The following GLYATL2 variants were observed in gnomAD, a reference collection of about 807,000 sequenced individuals.
GLYATL2 encodes glycine N-acyltransferase-like protein 2.
In GLYATL2, 25 loss-of-function variants were observed where a neutral mutation model predicts 21.4. That is an observed-to-expected ratio of 1.17 (90% CI 0.85 to 1.63). GLYATL2 has a LOEUF of 1.63. GLYATL2 is among the 40% of genes most tolerant of loss of function. The pLI is 0.00. For missense variants in GLYATL2, 361 were observed against 343.3 expected, an observed-to-expected ratio of 1.05 and a Z score of -0.41; for synonymous variants, 114 against 118.2, an observed-to-expected ratio of 0.96 and a Z score of 0.23.
intron 1 of GLYATL2, among the ~76,000 whole-genome samples, chr11:58,903,716 C>G (rs987662643): frequency 6.6e-6 from 1 of 152,058 alleles, no homozygotes; most frequent in Admixed American, 6.6e-5. Context: ...CAGTTAATGG[C>G]CAACATTACC....
At position 58,834,381 on chromosome 11, in the gene GLYATL2, A is replaced by G; in HGVS notation, c.*48T>C. 3 of 1,441,532 alleles carry G rather than the reference A, an allele frequency of 2.1e-6. No homozygotes were observed. Among genetic ancestry groups the G allele is most frequent in the Non-Finnish European group, 2.8e-6 (3 of 1,064,978 alleles). 89.3% of individuals were successfully genotyped at this position (1,441,532 alleles called of 1,614,324 possible). A position where few individuals can be genotyped will look rare whatever the true frequency, so the allele number is the denominator to read the frequency against. ...AGATCACAATGCTTGTGTTTGAATT[A>G]ATGTTTTTTTACTGATAAGAAAGAT... On this transcript the variant is annotated 3_prime_UTR_variant, in exon 6 of 6. Transcript: ENST00000287275.
rs1312103019 is a variant in GLYATL2 at position 58,834,819 on chromosome 11, G to A, written c.495C>T (p.Asn165=). 6.3e-7 allele frequency: 1 copy of A among 1,589,486 alleles called. No individual in the cohort carries two copies. Among genetic ancestry groups the A allele is most frequent in the Non-Finnish European group, 8.5e-7 (1 of 1,170,232 alleles). ...DDDNKEGNFS[N]MFLDASHAGL... ...CTGCATGTGAAGCATCTAAGAACATGTTTGAAAAGTTTCCTTCCCTGTGAA... is the reference window on the plus strand; with the variant it reads ...CTGCATGTGAAGCATCTAAGAACATATTTGAAAAGTTTCCTTCCCTGTGAA... Residue 165 remains asparagine (N), a synonymous_variant, in exon 6 of 6, where the codon AAC becomes AAT. Transcript: ENST00000287275.
At chr11:58,869,068 G>GCAT (rs1210711530) in intron 1 of GLYATL2, among the ~76,000 whole-genome samples, 5,857 of 139,072 alleles carry the variant, frequency 0.042, 572 homozygotes, top group East Asian at 0.21. Context: ...AAATTCTGTA[G>GCAT]GAATTTTTAT....
upstream of GLYATL2, chr11:58,908,364 T>G (rs76883410): frequency 3.9e-5 from 6 of 153,060 alleles, no homozygotes; most frequent in Admixed American, 3.3e-4. Context: ...ATAGATCTTG[T>G]TTTTTTGTTT....
At chr11:58,889,692 C>G (rs1035299352) in intron 1 of GLYATL2, among the ~76,000 whole-genome samples, 2 of 152,014 alleles carry the variant, frequency 1.3e-5, no homozygotes, top group African/African-American at 4.8e-5. Context: ...CCGATCAAAG[C>G]CATTCTGGCC....
chr11:58,897,677 T>C (rs569821825), intron 1 of GLYATL2, among the ~76,000 whole-genome samples: 1 of 152,346 alleles, frequency 6.6e-6, no homozygotes, highest in African/African-American at 2.4e-5. Context: ...TCATGTGTTA[T>C]AGGGCCTTGG....
intron 1 of GLYATL2, among the ~76,000 whole-genome samples, chr11:58,870,548 C>G (rs905788179): frequency 6.6e-6 from 1 of 152,156 alleles, no homozygotes; most frequent in South Asian, 2.1e-4. Context: ...TAAAGACATT[C>G]TCCATCCAGA....
intron 1 of GLYATL2, among the ~76,000 whole-genome samples, chr11:58,873,453 A>C (rs2134604964): frequency 1.3e-5 from 2 of 152,220 alleles, no homozygotes; most frequent in Middle Eastern, 6.8e-3. Flanking sequence ...ATTTTGAGAT[A>C]CATTCTATCA....
rs561575043 is a variant in GLYATL2 at position 58,870,271 on chromosome 11, T to C, written n.61-31903A>G. Among the ~76,000 whole-genome samples the C allele has an allele frequency of 3.4e-3, 525 of 152,210 alleles. 4 individuals carry two copies. Among genetic ancestry groups the C allele is most frequent in the Middle Eastern group, 0.02 (6 of 294 alleles). ...GTAATAGAGTTTTCTATAGGTCTAA[T>C]GATAAAACAGAATGCATGCAGAAGA... is the stretch of plus-strand genomic sequence containing the variant. On this transcript the variant is annotated intron_variant and non_coding_transcript_variant, in intron 1 of 4. Coordinates refer to the GLYATL2 transcript ENST00000533636.
At chr11:58,835,130 A>T (rs1853405402) in intron 5 of GLYATL2, among the ~76,000 whole-genome samples, 1 of 152,196 alleles carries the variant, frequency 6.6e-6, no homozygotes, top group Non-Finnish European at 1.5e-5. Context: ...ACATGTCCCT[A>T]AAAGAGTGTG....
At chr11:58,843,004 T>A (rs1420026571) in intron 1 of GLYATL2, among the ~76,000 whole-genome samples, 1 of 152,234 alleles carries the variant, frequency 6.6e-6, no homozygotes, top group Non-Finnish European at 1.5e-5. Flanking sequence ...TTGGTGATGT[T>A]TTTGTGACCA....
chr11:58,856,592 T>C (rs1440077467), intron 1 of GLYATL2, among the ~76,000 whole-genome samples: 1 of 152,214 alleles, frequency 6.6e-6, no homozygotes, highest in Non-Finnish European at 1.5e-5. Flanking sequence ...CAGATCATTG[T>C]ATGGTTTATA....
At chr11:58,863,019 G>C (rs1388964791) in intron 1 of GLYATL2, among the ~76,000 whole-genome samples, 1 of 152,190 alleles carries the variant, frequency 6.6e-6, no homozygotes, top group Admixed American at 6.5e-5. Context: ...AGGTGAACTT[G>C]TTGCTGAAGT....
chr11:58,882,490 T>C (rs1158335845), intron 1 of GLYATL2, among the ~76,000 whole-genome samples: 1 of 152,228 alleles, frequency 6.6e-6, no homozygotes, highest in Non-Finnish European at 1.5e-5. Context: ...TAGCCCTCTG[T>C]CAGATGGGTA....
intron 1 of GLYATL2, among the ~76,000 whole-genome samples, chr11:58,842,476 CTG>C (rs34133004): frequency 0.36 from 48,750 of 134,376 alleles, 8,559 homozygotes; most frequent in Non-Finnish European, 0.43. Context: ...GAGTGAGACT[CTG>C]TGTGTGTGTG....
intron 1 of GLYATL2, among the ~76,000 whole-genome samples, chr11:58,862,256 T>C (rs919202267): frequency 9.2e-5 from 14 of 152,198 alleles, no homozygotes; most frequent in African/African-American, 3.4e-4. Flanking sequence ...CCTTTGATTT[T>C]TGATAGTTTA....
chr11:58,853,506 G>C (rs1853776535), intron 1 of GLYATL2, among the ~76,000 whole-genome samples: 1 of 152,116 alleles, frequency 6.6e-6, no homozygotes, highest in Non-Finnish European at 1.5e-5. Context: ...GGATACTGAG[G>C]GACGACTGTA....
At chr11:58,862,358 G>C (rs1348143358) in intron 1 of GLYATL2, among the ~76,000 whole-genome samples, 1 of 151,924 alleles carries the variant, frequency 6.6e-6, no homozygotes, top group Non-Finnish European at 1.5e-5. Context: ...CCCCAGACTT[G>C]GAAAGTATTC....
At position 58,834,293 on chromosome 11, in the gene GLYATL2, T is replaced by C. The variant is rs537032367; in HGVS notation, c.*136A>G. The C allele has an allele frequency of 1.1e-4, 72 of 627,092 alleles. No homozygotes were observed. In the East Asian group the frequency reaches 2.0e-3, roughly 17 times the overall value. 38.8% of individuals were successfully genotyped at this position (627,092 alleles called of 1,614,324 possible). On this transcript the variant is annotated 3_prime_UTR_variant, in exon 6 of 6. Transcript: ENST00000287275. ...ATACAGAGGAGAAGGAAGGTAAAAC[T>C]GTTAAGGGTGAGCTTAAGTAATACA... is the stretch of plus-strand genomic sequence containing the variant.
Sources: allele counts gnomAD v4.1 joint callset (sites outside exome capture counted in the v4.1 genomes callset), GRCh38; gene constraint gnomAD v4.1.1; transcripts MANE v1.5; gene names NCBI Gene and HGNC (gene_info 2026-07-23, HGNC 2026-07-21).